Variants in CALD1 observed in about 807,000 individuals in gnomAD.
CALD1 encodes caldesmon 1.
A neutral mutation model predicts 99.9 loss-of-function variants in CALD1; 33 were observed. That is an observed-to-expected ratio of 0.33 (90% confidence interval 0.25 to 0.44). CALD1 has a LOEUF of 0.44. CALD1 is among the 20% of genes least tolerant of loss of function. The probability of loss-of-function intolerance (pLI) is 1.00; values close to 1 mark genes in which losing one functional copy is unlikely to be tolerated. For synonymous variants in CALD1, 310 were observed against 325.0 expected, an observed-to-expected ratio of 0.95 and a Z score of 0.50; for missense variants, 861 against 962.1, an observed-to-expected ratio of 0.89 and a Z score of 1.39.
chr7:134,729,443 C>T, the CALD1 span, among the ~76,000 whole-genome samples: 2 of 152,316 alleles, frequency 1.3e-5, no homozygotes, highest in Middle Eastern at 3.4e-3. Flanking sequence ...CCTCTCACCT[C>T]GGATAGTGGT....
intron 1 of CALD1, among the ~76,000 whole-genome samples, chr7:134,782,949 C>T (rs1797165268): frequency 6.6e-6 from 1 of 152,108 alleles, no homozygotes; most frequent in South Asian, 2.1e-4. Context: ...TAAGAGGACA[C>T]AAATATAAGG....
chr7:134,896,903 C>T (rs1417974901), intron 3 of CALD1, among the ~76,000 whole-genome samples: 2 of 152,192 alleles, frequency 1.3e-5, no homozygotes, highest in South Asian at 2.1e-4. Context: ...AACACAGCTT[C>T]GTTTCTCCAT....
intron 4 of CALD1, among the ~76,000 whole-genome samples, chr7:134,929,636 G>GTATATATACACACATA (rs1805360797): frequency 3.6e-4 from 2 of 5,548 alleles, no homozygotes; most frequent in African/African-American, 9.9e-4. Flanking sequence ...GTGTGTGTGT[G>GTATATATACACACATA]TGTGTGTGTG....
At chr7:134,938,729 A>G (rs1338394077) in intron 6 of CALD1, among the ~76,000 whole-genome samples, 4 of 152,226 alleles carry the variant, frequency 2.6e-5, no homozygotes, top group African/African-American at 4.8e-5. Flanking sequence ...TCAAATCGTC[A>G]TTATTACATT....
chr7:134,960,194 A>AAT, intron 12 of CALD1, 83 bp downstream of exon 12: 1 of 1,474,270 alleles, frequency 6.8e-7, no homozygotes, highest in Non-Finnish European at 9.4e-7. Flanking sequence ...CACACTAGTA[A>AAT]ATAATAAAAG....
At chr7:134,891,948 G>A (rs1478815326) in intron 3 of CALD1, among the ~76,000 whole-genome samples, 1 of 152,054 alleles carries the variant, frequency 6.6e-6, no homozygotes, top group Admixed American at 6.6e-5. Context: ...TTTATACCTA[G>A]GCACGGGTTT....
At chr7:134,861,416 A>G (rs893842351) in intron 2 of CALD1, among the ~76,000 whole-genome samples, 3 of 152,222 alleles carry the variant, frequency 2.0e-5, no homozygotes, top group Non-Finnish European at 4.4e-5. Context: ...ACTGAGTTGC[A>G]GCGATGGCCC....
At chr7:134,797,526 G>C (rs1797790242) in intron 1 of CALD1, among the ~76,000 whole-genome samples, 1 of 152,206 alleles carries the variant, frequency 6.6e-6, no homozygotes, top group Non-Finnish European at 1.5e-5. Context: ...TAGAAGAAAA[G>C]CATGTTTGAC....
intron 7 of CALD1, among the ~76,000 whole-genome samples, chr7:134,946,540 T>C (rs922135983): frequency 1.3e-5 from 2 of 152,240 alleles, no homozygotes; most frequent in African/African-American, 2.4e-5. Flanking sequence ...CTCTATGAAT[T>C]TGACTACTTT....
chr7:134,908,366 G>A (rs544009120), intron 3 of CALD1, among the ~76,000 whole-genome samples: 1 of 152,266 alleles, frequency 6.6e-6, no homozygotes, highest in Admixed American at 6.5e-5. Flanking sequence ...AACAAAAAGA[G>A]CCTGGCACTT....
chr7:134,845,108 G>T (rs1025617371), intron 2 of CALD1, among the ~76,000 whole-genome samples: 3 of 152,020 alleles, frequency 2.0e-5, no homozygotes, highest in Admixed American at 1.3e-4. Flanking sequence ...CTCTTTTAGC[G>T]ATTACATTAC....
intron 3 of CALD1, among the ~76,000 whole-genome samples, chr7:134,901,434 G>A (rs1802994371): frequency 6.6e-6 from 1 of 152,038 alleles, no homozygotes; most frequent in South Asian, 2.1e-4. Flanking sequence ...GTGGGAATGG[G>A]GGAACGTAGG....
intron 3 of CALD1, among the ~76,000 whole-genome samples, chr7:134,878,779 T>C (rs976170987): frequency 4.0e-5 from 6 of 151,180 alleles, no homozygotes; most frequent in South Asian, 2.1e-4. Context: ...CTGAGCAACA[T>C]AGGAAGACCT....
At chr7:134,712,042 GGAGA>G in the CALD1 span, among the ~76,000 whole-genome samples, 14 of 52,108 alleles carry the variant, frequency 2.7e-4, 1 homozygote, top group African/African-American at 2.9e-3. Context: ...AGGGAAGGAG[GGAGA>G]GAGGGAGGGA....
At chr7:134,904,928 A>G (rs936540429) in intron 3 of CALD1, among the ~76,000 whole-genome samples, 10 of 152,130 alleles carry the variant, frequency 6.6e-5, no homozygotes, top group Admixed American at 6.5e-4. Context: ...ATGGATTAAG[A>G]AAGAGATAGA....
chr7:134,934,620 A>G (rs1805816140), intron 5 of CALD1, among the ~76,000 whole-genome samples: 1 of 152,208 alleles, frequency 6.6e-6, no homozygotes, highest in South Asian at 2.1e-4. Context: ...ACAGTGGCTC[A>G]CACCTGTAAT....
intron 3 of CALD1, among the ~76,000 whole-genome samples, chr7:134,903,899 T>C (rs1803178386): frequency 6.6e-6 from 1 of 152,038 alleles, no homozygotes; most frequent in Non-Finnish European, 1.5e-5. Flanking sequence ...AAAATTGTAA[T>C]GTGCAGTTTC....
At chr7:134,904,417 C>T (rs758555099) in intron 3 of CALD1, among the ~76,000 whole-genome samples, 16 of 151,642 alleles carry the variant, frequency 1.1e-4, no homozygotes, top group Non-Finnish European at 1.6e-4. Flanking sequence ...CTCGTCTCTA[C>T]GAAAACTAAA....
intron 1 of CALD1, among the ~76,000 whole-genome samples, chr7:134,826,876 CT>C (rs1799020770): frequency 6.6e-6 from 1 of 152,174 alleles, no homozygotes; most frequent in Non-Finnish European, 1.5e-5. Flanking sequence ...CCTCTACCTG[CT>C]TAACTCTGAG....
Sources: gnomAD v4.1 joint callset for allele counts (sites outside exome capture counted in the v4.1 genomes callset) on GRCh38, gnomAD v4.1.1 for gene constraint, MANE v1.5 for transcripts, NCBI Gene and HGNC (gene_info 2026-07-23, HGNC 2026-07-21) for gene names.